The following CHST5 variants were observed in gnomAD, a reference collection of about 807,000 sequenced individuals.
The protein encoded by CHST5 is GST4-alpha.
For synonymous variants in CHST5, 313 were observed against 279.2 expected (o/e 1.12, Z -1.21); for missense variants, 637 against 602.1 (o/e 1.06, Z -0.61).
chr16:75,531,109 T>C lies in CHST5; in HGVS notation c.-725A>G, dbSNP rs928561429. On this transcript the variant is annotated 5_prime_UTR_variant, in exon 4 of 4. An upstream open reading frame in the 5' UTR loses its in-frame stop. Coordinates refer to ENST00000336257, the MANE Select transcript of CHST5 (RefSeq NM_024533.5). ...AGGCCGAGGCGGGCGGATCACGAGG[T>C]CAGGAGATCGAGACCATCCTGGCTA... 2 of 912,912 alleles carry C rather than the reference T, an allele frequency of 2.2e-6. No individual in the cohort carries two copies. The highest frequency in any genetic ancestry group is 5.1e-5 in the South Asian group (1 of 19,510). 56.6% of individuals were successfully genotyped at this position (912,912 alleles called of 1,614,324 possible).
rs2080495878 is a variant in CHST5 at position 75,529,654 on chromosome 16, T to A, written c.731A>T (p.Asn244Ile). ...GCCGTTGGTGCCCAGCACGATGCCG[T>A]TGTCGCGTGCCAGTATCGGGCCCGC... ...EAAGPILARD[N>I]GIVLGTNGKW... The change falls in exon 4 of 4, where the codon AAC (asparagine) becomes ATC (isoleucine). Residue 244 changes from asparagine (N) to isoleucine (I), a missense_variant. Coordinates refer to ENST00000336257, the MANE Select transcript of CHST5 (RefSeq NM_024533.5). 6.2e-7 allele frequency: 1 copy of A among 1,610,914 alleles called. No homozygotes were observed.
chr16:75,531,761 G>C (rs2080524643), intron 3 of CHST5, 121 bp from the exon 4 acceptor site: 5 of 593,582 alleles, frequency 8.4e-6, no homozygotes, highest in Middle Eastern at 3.3e-4. Context: ...ATAACTCGTA[G>C]AGAGACCCTT....
Position 75,530,445 on chromosome 16 carries a change from C to T in CHST5, c.-61G>A, listed in dbSNP as rs2080509028. The T allele has an allele frequency of 8.2e-6, 12 of 1,462,540 alleles. No individual in the cohort carries two copies. The South Asian group carries it at 1.2e-4, about 14-fold the overall frequency. 90.6% of individuals were successfully genotyped at this position (1,462,540 alleles called of 1,614,324 possible). A position where few individuals can be genotyped will look rare whatever the true frequency, so the allele number is the denominator to read the frequency against. On this transcript the variant is annotated 5_prime_UTR_variant, in exon 4 of 4. Transcript: ENST00000336257. ...TCAGCCCTCAGATTCGGCTACCCTACCCATTGGACTTCCCAAGACTCCCAA... is the reference window on the plus strand; with the variant it reads ...TCAGCCCTCAGATTCGGCTACCCTATCCATTGGACTTCCCAAGACTCCCAA...
In CHST5 at chr16:75,529,341, C is replaced by T. The variant is rs1219321975; in HGVS notation, c.1044G>A (p.Ala348=). The T allele has an allele frequency of 6.2e-7, 1 of 1,613,160 alleles. No individual in the cohort carries two copies. Among genetic ancestry groups the T allele is most frequent in the Non-Finnish European group, 8.5e-7 (1 of 1,179,876 alleles). ...GGCGCCAGGCCTGGGAGACGTTGCG[C>T]GCATTCCTAGACGAAGTATGGAAGG... ...IEAFHTSSRN[A]RNVSQAWRHA... Residue 348 remains alanine (A), a synonymous_variant, in exon 4 of 4, where the codon GCG becomes GCA. Coordinates refer to ENST00000336257, the MANE Select transcript of CHST5 (RefSeq NM_024533.5).
rs76223162 is a variant in CHST5, at chr16:75,530,661, A to G, written c.-277T>C. 2,811 of 1,294,582 alleles carry G rather than the reference A, an allele frequency of 2.2e-3. 57 individuals are homozygous for G. In the African/African-American group the frequency reaches 0.026, roughly 12 times the overall value. The allele number at this position is 1,294,582 out of a possible 1,614,324, so 80.2% of individuals were successfully genotyped here. A position where few individuals can be genotyped will look rare whatever the true frequency, so the allele number is the denominator to read the frequency against. ...GAGAGAAATACTATGTTTCAAAGAG[A>G]ACTCCTGTCTTTTGCTTCAGGATAC... is the stretch of plus-strand genomic sequence containing the variant. On this transcript the variant is annotated 5_prime_UTR_variant, in exon 4 of 4. Transcript: ENST00000336257.
At position 75,530,777 on chromosome 16, in the gene CHST5, G is replaced by A. The variant is rs141745551; in HGVS notation, c.-393C>T. 1.9e-6 allele frequency: 2 copies of A among 1,039,286 alleles called. No individual in the cohort carries two copies. The highest frequency in any genetic ancestry group is 2.3e-6 in the Non-Finnish European group (2 of 853,452). The allele number at this position is 1,039,286 out of a possible 1,614,324, so 64.4% of individuals were successfully genotyped here. ...GAGCACCACCAGGCTCGCCGAGGTT[G>A]AATCCTGGCTCTGCCACTTCCTAGC... On this transcript the variant is annotated 5_prime_UTR_variant, in exon 4 of 4. Transcript: ENST00000336257.
At chr16:75,535,606 C>T (rs1168307435) in intron 1 of CHST5, among the ~76,000 whole-genome samples, 197 bp from the exon 2 acceptor site, 3 of 152,198 alleles carry the variant, frequency 2.0e-5, no homozygotes, top group Middle Eastern at 3.2e-3. Flanking sequence ...AGCTTTCAGA[C>T]GTGGCTGCGG....
In CHST5 at chr16:75,530,228, G is replaced by T. The variant is rs768776869; in HGVS notation, c.157C>A (p.Pro53Thr). ...LLLFIISRPG[P>T]SSPAGGEDRV... ...TCCTCGCCGCCGGCTGGGGATGAGG[G>T]CCCTGGCCGGGAGATGATGAAGAGC... is the stretch of plus-strand genomic sequence containing the variant. Residue 53 changes from proline to threonine, a missense_variant, in exon 4 of 4, where the codon CCC (proline) becomes ACC (threonine). Coordinates refer to ENST00000336257, the MANE Select transcript of CHST5 (RefSeq NM_024533.5). 2.5e-6 allele frequency: 4 copies of T among 1,613,670 alleles called. No individual in the cohort carries two copies. The highest frequency in any genetic ancestry group is 3.4e-6 in the Non-Finnish European group (4 of 1,179,990).
In CHST5 at chr16:75,530,447, C is replaced by T. The variant is rs1597027146; in HGVS notation, c.-63G>A. On this transcript the variant is annotated 5_prime_UTR_variant, in exon 4 of 4. It removes an upstream start codon present in the reference 5' UTR. Transcript: ENST00000336257. ...AGCCCTCAGATTCGGCTACCCTACC[C>T]ATTGGACTTCCCAAGACTCCCAAGG... is the stretch of plus-strand genomic sequence containing the variant. The T allele has an allele frequency of 6.8e-7, 1 of 1,462,008 alleles. No homozygotes were observed. The highest frequency in any genetic ancestry group is 1.4e-5 in the African/African-American group (1 of 70,240). The allele number at this position is 1,462,008 out of a possible 1,614,324, so 90.6% of individuals were successfully genotyped here. A position where few individuals can be genotyped will look rare whatever the true frequency, so the allele number is the denominator to read the frequency against.
In CHST5 at chr16:75,528,996, C is replaced by G. The variant is rs568353479; in HGVS notation, c.*153G>C. The G allele has an allele frequency of 5.9e-5, 43 of 725,282 alleles. No individual in the cohort carries two copies. In the African/African-American group the frequency reaches 6.8e-4, roughly 11 times the overall value. The allele number at this position is 725,282 out of a possible 1,614,324, so 44.9% of individuals were successfully genotyped here. A position where few individuals can be genotyped will look rare whatever the true frequency, so the allele number is the denominator to read the frequency against. ...AACCGAGAATCAGGAGAGAAAGAAACGTGCAGTCCTTGCCTACTTCAGGGG... is the reference window on the plus strand; with the variant it reads ...AACCGAGAATCAGGAGAGAAAGAAAGGTGCAGTCCTTGCCTACTTCAGGGG... On this transcript the variant is annotated 3_prime_UTR_variant, in exon 4 of 4. Transcript: ENST00000336257.
At chr16:75,531,766 A>T (rs1181962518) in intron 3 of CHST5, 126 bp from the exon 4 acceptor site, 1 of 559,766 alleles carries the variant, frequency 1.8e-6, no homozygotes, top group Non-Finnish European at 3.0e-6. Flanking sequence ...TCGTAGAGAG[A>T]CCCTTTTGGG....
Position 75,530,502 on chromosome 16 carries a change from G to C in CHST5, c.-118C>G, listed in dbSNP as rs541200762. 1.4e-5 allele frequency: 21 copies of C among 1,449,078 alleles called. No individual in the cohort carries two copies. The African/African-American group carries it at 3.0e-4, about 21-fold the overall frequency. 89.8% of individuals were successfully genotyped at this position (1,449,078 alleles called of 1,614,324 possible). On this transcript the variant is annotated 5_prime_UTR_variant, in exon 4 of 4. Transcript: ENST00000336257. The stretch of plus-strand genomic sequence containing the variant: ...AGTCGAGCACTTTCCCAGGAATACG[G>C]AGTCAAGACATAGGCCAGAATATAG...
intron 3 of CHST5, among the ~76,000 whole-genome samples, chr16:75,532,844 T>C (rs537410235): frequency 6.7e-4 from 102 of 152,216 alleles, no homozygotes; most frequent in African/African-American, 2.3e-3. Flanking sequence ...GAGGTGGGCA[T>C]GATGATGTCA....
At chr16:75,534,761 C>A (rs577964144) in intron 2 of CHST5, among the ~76,000 whole-genome samples, 61 of 152,364 alleles carry the variant, frequency 4.0e-4, no homozygotes, top group Non-Finnish European at 8.5e-4. Context: ...AGGCACGACT[C>A]CACTTCCCCT....
chr16:75,529,833 C>T lies in CHST5; in HGVS notation c.552G>A (p.Arg184=), dbSNP rs1439455451. ...CGTGGCTGTAGGAGCGGCAGGCCTC[C>T]CGGGCCAGGCTGAATGGCTGCCGCG... ...LCTRQPFSLA[R]EACRSYSHVV... is the part of the protein sequence containing the mutation. Residue 184 remains arginine, a synonymous_variant, in exon 4 of 4, where the codon CGG becomes CGA. Coordinates refer to ENST00000336257, the MANE Select transcript of CHST5 (RefSeq NM_024533.5). The T allele has an allele frequency of 6.2e-7, 1 of 1,613,658 alleles. No homozygotes were observed. Among genetic ancestry groups the T allele is most frequent in the Non-Finnish European group, 8.5e-7 (1 of 1,179,924 alleles).
At chr16:75,533,250 G>A in intron 2 of CHST5, 67 bp from the exon 3 acceptor site, 1 of 702,336 alleles carries the variant, frequency 1.4e-6, no homozygotes, top group Non-Finnish European at 2.6e-6. Context: ...GGGAGAACCA[G>A]TCAGCCAGGC....
At position 75,530,450 on chromosome 16, in the gene CHST5, T is replaced by G. The variant is rs2080509115; in HGVS notation, c.-66A>C. 1 of 1,460,998 alleles carries G rather than the reference T, an allele frequency of 6.8e-7. No individual in the cohort carries two copies. The allele number at this position is 1,460,998 out of a possible 1,614,324, so 90.5% of individuals were successfully genotyped here. A position where few individuals can be genotyped will look rare whatever the true frequency, so the allele number is the denominator to read the frequency against. On this transcript the variant is annotated 5_prime_UTR_variant, in exon 4 of 4. Coordinates refer to ENST00000336257, the MANE Select transcript of CHST5 (RefSeq NM_024533.5). ...CCTCAGATTCGGCTACCCTACCCAT[T>G]GGACTTCCCAAGACTCCCAAGGTCT...
In CHST5 at chr16:75,529,559, C is replaced by T. The variant is rs745623278; in HGVS notation, c.826G>A (p.Glu276Lys). The T allele has an allele frequency of 1.3e-5, 21 of 1,609,032 alleles. No individual in the cohort carries two copies. The Admixed American group carries it at 2.2e-4, about 17-fold the overall frequency. The change falls in exon 4 of 4, where the codon GAG (glutamate) becomes AAG (lysine). Residue 276 changes from glutamate (E) to lysine (K), a missense_variant. Physicochemically the swap from Glu to Lys is moderately conservative, Grantham distance 56. Transcript: ENST00000336257. Reference sequence around the variant, plus strand: ...GGTGGCGGCTTGAGTGTGGCGGCCTCGGCGATGCGCACGTGGCTGCGGCAC... The same window carrying T: ...GGTGGCGGCTTGAGTGTGGCGGCCTTGGCGATGCGCACGTGGCTGCGGCAC... The part of the protein sequence containing the change: ...EVCRSHVRIA[E>K]AATLKPPPFL...
At chr16:75,534,577 G>A (rs1320563531) in intron 2 of CHST5, among the ~76,000 whole-genome samples, 3 of 152,332 alleles carry the variant, frequency 2.0e-5, no homozygotes, top group African/African-American at 7.2e-5. Context: ...CAGGAGACAG[G>A]TTGCAGTGAG....
Sources: gnomAD v4.1 joint callset for allele counts (sites outside exome capture counted in the v4.1 genomes callset) on GRCh38, gnomAD v4.1.1 for gene constraint, MANE v1.5 for transcripts, NCBI Gene and HGNC (gene_info 2026-07-23, HGNC 2026-07-21) for gene names.